The following FSIP1 variants were observed in gnomAD, a reference collection of about 807,000 sequenced individuals.
The protein encoded by FSIP1 is fibrous sheath interacting protein 1, also known as fibrous sheath-interacting protein 1.
In FSIP1, 65 loss-of-function variants were observed where a neutral mutation model predicts 60.9. The observed-to-expected ratio is 1.07, with a 90% confidence interval of 0.87 to 1.31. FSIP1 has a LOEUF of 1.31. FSIP1 is among the 40% of genes most tolerant of loss of function. FSIP1 has a pLI of 0.00. For synonymous variants in FSIP1, 209 were observed against 221.2 expected (o/e 0.94, Z 0.49); for missense variants, 675 against 665.5 (o/e 1.01, Z -0.16).
chr15:39,727,227 C>T (rs904001391), intron 8 of FSIP1, among the ~76,000 whole-genome samples: 6 of 152,196 alleles, frequency 3.9e-5, no homozygotes, highest in African/African-American at 1.4e-4. Flanking sequence ...TCCATATTAT[C>T]TCATCAAACC....
Position 39,763,930 on chromosome 15 carries a change from T to C in FSIP1, c.466-16A>G. ...ATTTTGCAGACTAATGAAAGGAAAA[T>C]TAAAATTTAAACATGGGAAAAGAAG... On this transcript the variant is annotated splice_polypyrimidine_tract_variant and intron_variant, in intron 4 of 11. Coordinates refer to ENST00000350221, the MANE Select transcript of FSIP1 (RefSeq NM_152597.5). 1 of 1,365,570 alleles carries C rather than the reference T, an allele frequency of 7.3e-7. No individual in the cohort carries two copies. Among genetic ancestry groups the C allele is most frequent in the Non-Finnish European group, 1.0e-6 (1 of 966,812 alleles). 84.6% of individuals were successfully genotyped at this position (1,365,570 alleles called of 1,614,324 possible).
rs112504582 is a variant in FSIP1 at position 39,625,679 on chromosome 15, T to C, written c.1189-7434A>G. ...CTATCACTTCCTTTCCCGAAACAAGTCTGGGGCCCAGCTCTACAGCTGGAG... is the reference window on the plus strand; with the variant it reads ...CTATCACTTCCTTTCCCGAAACAAGCCTGGGGCCCAGCTCTACAGCTGGAG... On this transcript the variant is annotated intron_variant, in intron 10 of 11. Transcript: ENST00000350221. 2.9e-3 allele frequency among the ~76,000 whole-genome samples: 442 copies of C among 152,140 alleles called. 4 individuals carry two copies. Among genetic ancestry groups the C allele is most frequent in the Non-Finnish European group, 5.1e-3 (348 of 68,004 alleles).
rs191325774 is a variant in FSIP1 at position 39,603,735 on chromosome 15, G to C, written c.1700-2809C>G. On this transcript the variant is annotated intron_variant, in intron 11 of 11. Transcript: ENST00000350221. ...TCTTCGTTAAAAAGAAATTTAAGAA[G>C]AAAAAAGCAGACATTCAGCAGATGG... 1.3e-3 allele frequency among the ~76,000 whole-genome samples: 201 copies of C among 152,108 alleles called. 1 individual carries two copies. Among genetic ancestry groups the C allele is most frequent in the African/African-American group, 4.7e-3 (197 of 41,486 alleles).
Position 39,736,263 on chromosome 15 carries a change from C to T in FSIP1, c.891+1828G>A, listed in dbSNP as rs762954385. On this transcript the variant is annotated intron_variant, in intron 8 of 11. Transcript: ENST00000350221. The stretch of plus-strand genomic sequence containing the variant: ...ATTTAGCAGTTTCCCTCACCCACCC[C>T]TTTCCCCTACTTCATCAGCCCCAGG... 2.0e-5 allele frequency among the ~76,000 whole-genome samples: 3 copies of T among 152,238 alleles called. No individual in the cohort carries two copies. The East Asian group carries it at 5.8e-4, about 29-fold the overall frequency.
chr15:39,732,728 CT>C (rs1399417570), intron 8 of FSIP1, among the ~76,000 whole-genome samples: 12 of 151,678 alleles, frequency 7.9e-5, no homozygotes, highest in Admixed American at 5.9e-4. Context: ...ATCATTTAGT[CT>C]TCTTTAAGCT....
chr15:39,614,585 C>T (rs1475330168), intron 11 of FSIP1, among the ~76,000 whole-genome samples: 1 of 145,474 alleles, frequency 6.9e-6, no homozygotes, highest in Non-Finnish European at 1.5e-5. Context: ...GCGGAGGTTG[C>T]AGTGAGCCAA....
At chr15:39,611,266 T>C (rs1426741800) in intron 11 of FSIP1, among the ~76,000 whole-genome samples, 1 of 152,246 alleles carries the variant, frequency 6.6e-6, no homozygotes, top group Admixed American at 6.5e-5. Flanking sequence ...TTATATGTGA[T>C]AAAAGTTATC....
intron 10 of FSIP1, among the ~76,000 whole-genome samples, chr15:39,666,495 T>C (rs945016163): frequency 9.2e-5 from 14 of 152,236 alleles, no homozygotes; most frequent in Admixed American, 6.5e-4. Context: ...CCCAATTGTT[T>C]AAATTTTTTC....
intron 7 of FSIP1, 84 bp from the exon 8 acceptor site, chr15:39,738,285 C>T: frequency 1.2e-6 from 1 of 821,338 alleles, no homozygotes; most frequent in Non-Finnish European, 1.9e-6. Context: ...GAGACTTCTA[C>T]ACTACAGATA....
intron 10 of FSIP1, among the ~76,000 whole-genome samples, chr15:39,653,341 C>T (rs942033451): frequency 6.6e-6 from 1 of 152,070 alleles, no homozygotes; most frequent in African/African-American, 2.4e-5. Flanking sequence ...ACTTAGGCCA[C>T]ACTAAATTTA....
intron 10 of FSIP1, among the ~76,000 whole-genome samples, chr15:39,700,308 T>C (rs1238054084): frequency 6.6e-6 from 1 of 152,256 alleles, no homozygotes; most frequent in African/African-American, 2.4e-5. Context: ...CGCTCTGCTA[T>C]AACTGTTCTC....
intron 10 of FSIP1, among the ~76,000 whole-genome samples, chr15:39,693,231 G>A (rs193201172): frequency 1.2e-3 from 181 of 152,258 alleles, no homozygotes; most frequent in African/African-American, 4.1e-3. Flanking sequence ...TTCACACCAC[G>A]TAATCAACCT....
chr15:39,651,832 G>C (rs1318743605), intron 10 of FSIP1, among the ~76,000 whole-genome samples: 1 of 152,156 alleles, frequency 6.6e-6, no homozygotes, highest in African/African-American at 2.4e-5. Context: ...AAAATCGTGT[G>C]GTCTCTTTTG....
At chr15:39,764,000 T>C in intron 4 of FSIP1, 86 bp from the exon 5 acceptor site, 1 of 731,908 alleles carries the variant, frequency 1.4e-6, no homozygotes, top group Non-Finnish European at 2.4e-6. Flanking sequence ...CGGCTCCCAA[T>C]CACATACGTA....
chr15:39,682,478 G>T (rs1040655214), intron 10 of FSIP1, among the ~76,000 whole-genome samples: 1 of 152,198 alleles, frequency 6.6e-6, no homozygotes, highest in Admixed American at 6.5e-5. Flanking sequence ...CTCAGTGCAG[G>T]CACAGCCCAC....
intron 10 of FSIP1, among the ~76,000 whole-genome samples, chr15:39,702,741 T>G (rs1163600717): frequency 6.6e-6 from 1 of 151,530 alleles, no homozygotes; most frequent in East Asian, 1.9e-4. Flanking sequence ...TTTATATAAT[T>G]ATACTTAATT....
At chr15:39,723,244 T>C (rs1375666010) in intron 9 of FSIP1, among the ~76,000 whole-genome samples, 2 of 152,230 alleles carry the variant, frequency 1.3e-5, no homozygotes, top group African/African-American at 2.4e-5. Context: ...GACTGTTTTT[T>C]TTGAAACAGA....
chr15:39,771,574 T>C (rs192460925), intron 2 of FSIP1, among the ~76,000 whole-genome samples: 2 of 152,272 alleles, frequency 1.3e-5, no homozygotes, highest in East Asian at 3.9e-4. Flanking sequence ...GACTCAGTGG[T>C]AATAATCATA....
chr15:39,671,849 A>G (rs138467287), intron 10 of FSIP1, among the ~76,000 whole-genome samples: 191 of 152,346 alleles, frequency 1.3e-3, no homozygotes, highest in African/African-American at 4.4e-3. Flanking sequence ...TCATCATTAA[A>G]TCATTTTAGA....
Sources: allele counts gnomAD v4.1 joint callset (sites outside exome capture counted in the v4.1 genomes callset), GRCh38; gene constraint gnomAD v4.1.1; transcripts MANE v1.5; gene names NCBI Gene and HGNC (gene_info 2026-07-23, HGNC 2026-07-21).